Variants in KCNQ3 observed in about 807,000 individuals in gnomAD.
The protein encoded by KCNQ3 is potassium voltage-gated channel subfamily KQT member 3.
Under a neutral mutation model 92.5 loss-of-function variants are expected in KCNQ3, and 30 were observed. That is an observed-to-expected ratio of 0.32 (90% confidence interval 0.24 to 0.44). The LOEUF is 0.44. Among genes scored for constraint, KCNQ3 ranks in the 20% least tolerant of loss-of-function variants. The pLI is 1.00. For synonymous variants in KCNQ3, 450 were observed against 468.8 expected (o/e 0.96, Z 0.52); for missense variants, 913 against 1,140.3 (o/e 0.80, Z 2.87).
intron 1 of KCNQ3, among the ~76,000 whole-genome samples, chr8:132,206,307 T>C (rs546152300): frequency 2.0e-5 from 3 of 152,292 alleles, no homozygotes; most frequent in African/African-American, 4.8e-5. Context: ...TCCAAACTGT[T>C]CCAATTTCTG....
chr8:132,213,322 G>A (rs759066779), intron 1 of KCNQ3, among the ~76,000 whole-genome samples: 5 of 152,092 alleles, frequency 3.3e-5, no homozygotes, highest in Non-Finnish European at 7.4e-5. Flanking sequence ...ACTGACCAAG[G>A]TGCCGCTCTC....
chr8:132,463,052 A>G (rs1464576249), intron 1 of KCNQ3, among the ~76,000 whole-genome samples: 1 of 152,232 alleles, frequency 6.6e-6, no homozygotes, highest in Non-Finnish European at 1.5e-5. Context: ...AGCTTTTATC[A>G]GATTTTTACT....
At position 132,203,300 on chromosome 8, in the gene KCNQ3, C is replaced by T. The variant is rs554034449; in HGVS notation, c.387-17119G>A. 9.2e-5 allele frequency among the ~76,000 whole-genome samples: 14 copies of T among 152,260 alleles called. No homozygotes were observed. The South Asian group carries it at 2.7e-3, about 29-fold the overall frequency. On this transcript the variant is annotated intron_variant, in intron 1 of 14. Coordinates refer to ENST00000388996, the MANE Select transcript of KCNQ3 (RefSeq NM_004519.4). ...ATAGCATGATACGAACTGTGTGTTA[C>T]TTTAGGCTTTGAGGCAAACTTCCCT... is the stretch of plus-strand genomic sequence containing the variant.
intron 1 of KCNQ3, among the ~76,000 whole-genome samples, chr8:132,462,947 C>A (rs992419193): frequency 6.6e-6 from 1 of 152,162 alleles, no homozygotes; most frequent in Non-Finnish European, 1.5e-5. Flanking sequence ...TCTACACACA[C>A]ACACACGTAT....
intron 1 of KCNQ3, among the ~76,000 whole-genome samples, chr8:132,201,688 T>G (rs758790611): frequency 1.3e-5 from 2 of 152,140 alleles, no homozygotes; most frequent in Non-Finnish European, 2.9e-5. Flanking sequence ...GGACAGACCC[T>G]CCAGGCCGTG....
intron 1 of KCNQ3, among the ~76,000 whole-genome samples, chr8:132,394,280 T>C (rs1820133202): frequency 6.6e-6 from 1 of 152,184 alleles, no homozygotes; most frequent in African/African-American, 2.4e-5. Context: ...GATTTCCTCC[T>C]TGGGACTCAG....
chr8:132,182,131 C>T (rs768758183), intron 3 of KCNQ3, among the ~76,000 whole-genome samples: 1 of 151,918 alleles, frequency 6.6e-6, no homozygotes, highest in Non-Finnish European at 1.5e-5. Context: ...TCCAGGTGTA[C>T]CTAGCCTTTG....
intron 9 of KCNQ3, among the ~76,000 whole-genome samples, chr8:132,151,412 A>G (rs771359096): frequency 2.0e-5 from 3 of 152,264 alleles, no homozygotes. Flanking sequence ...GTTTTAAATT[A>G]GATATAATAA....
In KCNQ3 at chr8:132,123,991, T is replaced by C. The variant is rs1350030468; in HGVS notation, c.*5271A>G. The C allele has an allele frequency of 6.6e-6, 1 of 152,210 alleles. No individual in the cohort carries two copies. Among genetic ancestry groups the C allele is most frequent in the Non-Finnish European group, 1.5e-5 (1 of 68,044 alleles). 9.4% of individuals were successfully genotyped at this position (152,210 alleles called of 1,614,324 possible). On this transcript the variant is annotated 3_prime_UTR_variant, in exon 15 of 15. Transcript: ENST00000388996. ...GATAGCCACCATGCACAGTTGACTT[T>C]CCTTGGGAAATCATGAGTCTTTTAT...
At chr8:132,219,642 C>A (rs1464874576) in intron 1 of KCNQ3, among the ~76,000 whole-genome samples, 1 of 149,458 alleles carries the variant, frequency 6.7e-6, no homozygotes, top group Non-Finnish European at 1.5e-5. Context: ...TTTTTTTTTT[C>A]ACAAAACAAT....
At chr8:132,454,742 T>TACA (rs1821900340) in intron 1 of KCNQ3, among the ~76,000 whole-genome samples, 1 of 152,192 alleles carries the variant, frequency 6.6e-6, no homozygotes, top group Admixed American at 6.5e-5. Flanking sequence ...ACACCCATGG[T>TACA]CCTGGAAGTA....
chr8:132,365,636 T>G (rs1314598043), intron 1 of KCNQ3, among the ~76,000 whole-genome samples: 1 of 152,156 alleles, frequency 6.6e-6, no homozygotes, highest in Non-Finnish European at 1.5e-5. Context: ...TGTACATGCC[T>G]CAAAGTTTGT....
chr8:132,354,675 T>C (rs569084174), intron 1 of KCNQ3, among the ~76,000 whole-genome samples: 131 of 152,330 alleles, frequency 8.6e-4, no homozygotes, highest in African/African-American at 3.0e-3. Flanking sequence ...ATGGGCAAGT[T>C]ATTGCCTCTA....
intron 1 of KCNQ3, among the ~76,000 whole-genome samples, chr8:132,392,391 CT>C (rs1371680576): frequency 2.0e-5 from 3 of 152,254 alleles, no homozygotes; most frequent in African/African-American, 7.2e-5. Flanking sequence ...GCGCTCTCCT[CT>C]TCCTAAATCT....
chr8:132,151,441 A>G (rs1387400872), intron 9 of KCNQ3, among the ~76,000 whole-genome samples: 1 of 152,238 alleles, frequency 6.6e-6, no homozygotes, highest in Admixed American at 6.5e-5. Context: ...GTTTAAACAA[A>G]TGGTGGAAGG....
chr8:132,137,068 A>G (rs1285581151), intron 12 of KCNQ3, among the ~76,000 whole-genome samples: 2 of 148,920 alleles, frequency 1.3e-5, no homozygotes, highest in Non-Finnish European at 3.0e-5. Context: ...AGGGGGTTTC[A>G]CCATGTTGGT....
At position 132,389,637 on chromosome 8, in the gene KCNQ3, A is replaced by T. The variant is rs898607493; in HGVS notation, c.386+90510T>A. Among the ~76,000 whole-genome samples, 24 of 152,238 alleles carry T rather than the reference A, an allele frequency of 1.6e-4. 1 individual carries two copies. The highest frequency in any genetic ancestry group is 1.4e-3 in the Admixed American group (22 of 15,292). On this transcript the variant is annotated intron_variant, in intron 1 of 14. Coordinates refer to ENST00000388996, the MANE Select transcript of KCNQ3 (RefSeq NM_004519.4). Reference sequence around the variant, plus strand: ...GAGACTAGAGTACTCACTTCATGAAAGAGGATATCCACATGGCTTTTAACC... The same window carrying T: ...GAGACTAGAGTACTCACTTCATGAATGAGGATATCCACATGGCTTTTAACC...
intron 1 of KCNQ3, among the ~76,000 whole-genome samples, chr8:132,190,024 T>A (rs775696584): frequency 1.3e-5 from 2 of 151,880 alleles, no homozygotes; most frequent in African/African-American, 2.4e-5. Flanking sequence ...AACCACAGCC[T>A]CATAAGTGAC....
intron 1 of KCNQ3, among the ~76,000 whole-genome samples, chr8:132,298,444 C>T (rs540082772): frequency 6.6e-6 from 1 of 152,168 alleles, no homozygotes; most frequent in East Asian, 1.9e-4. Flanking sequence ...AAGTATGTAC[C>T]AGGCAAAAGG....
Sources: gnomAD v4.1 joint callset for allele counts (sites outside exome capture counted in the v4.1 genomes callset) on GRCh38, gnomAD v4.1.1 for gene constraint, MANE v1.5 for transcripts, NCBI Gene and HGNC (gene_info 2026-07-23, HGNC 2026-07-21) for gene names.